The following LRRC7 variants were observed in gnomAD, a reference collection of about 807,000 sequenced individuals.
LRRC7 encodes the protein leucine rich repeat containing 7, also known as leucine-rich repeat-containing protein 7.
In LRRC7, 23 loss-of-function variants were observed where a neutral mutation model predicts 175.7. The ratio of observed to expected loss-of-function variants is 0.13; its 90% CI spans 0.09 to 0.19. The LOEUF (loss-of-function observed/expected upper bound fraction) is 0.19, where lower values mean the gene tolerates loss of function less well. Among genes scored for constraint, LRRC7 ranks in the 10% least tolerant of loss-of-function variants. The probability of loss-of-function intolerance (pLI) is 1.00; values close to 1 mark genes in which losing one functional copy is unlikely to be tolerated. For missense variants in LRRC7, 1,354 were observed against 1,904.7 expected (o/e 0.71, Z 5.38); for synonymous variants, 685 against 680.9 (o/e 1.01, Z -0.09).
intron 7 of LRRC7, among the ~76,000 whole-genome samples, chr1:69,894,274 C>T (rs6662513): frequency 0.56 from 84,372 of 151,918 alleles, 23,491 homozygotes; most frequent in East Asian, 0.7. Flanking sequence ...CACAAAGAAG[C>T]AACTTGCCCA....
chr1:70,130,197 G>A lies in LRRC7; in HGVS notation c.*8310G>A, dbSNP rs1666610469. 6.6e-6 allele frequency: 1 copy of A among 152,144 alleles called. No homozygotes were observed. The highest frequency in any genetic ancestry group is 1.5e-5 in the Non-Finnish European group (1 of 68,016). 9.4% of individuals were successfully genotyped at this position (152,144 alleles called of 1,614,324 possible). On this transcript the variant is annotated 3_prime_UTR_variant, in exon 27 of 27. Transcript: ENST00000651989. ...TTTTCCTATGAACTTTAAGCTTTTT[G>A]AGAGAGAGGATCAGACAATACTTAA...
At chr1:69,794,302 A>ATT (rs947228267) in intron 4 of LRRC7, among the ~76,000 whole-genome samples, 5 of 152,166 alleles carry the variant, frequency 3.3e-5, no homozygotes, top group African/African-American at 1.2e-4. Context: ...TAAAGAGAGT[A>ATT]TTTCATCTGA....
intron 4 of LRRC7, among the ~76,000 whole-genome samples, chr1:69,797,047 C>CAAT (rs1384159415): frequency 1.3e-5 from 2 of 152,098 alleles, no homozygotes; most frequent in Non-Finnish European, 2.9e-5. Context: ...ACTACTAGCA[C>CAAT]AATACCCAGT....
chr1:69,889,148 T>C (rs540546942), intron 7 of LRRC7, among the ~76,000 whole-genome samples: 5 of 152,240 alleles, frequency 3.3e-5, no homozygotes, highest in Non-Finnish European at 7.3e-5. Context: ...AATATTTTTG[T>C]TGATAGAGGG....
intron 8 of LRRC7, among the ~76,000 whole-genome samples, chr1:69,975,035 T>C (rs1248474442): frequency 6.6e-6 from 1 of 152,224 alleles, no homozygotes; most frequent in East Asian, 1.9e-4. Context: ...CACCTTATTA[T>C]GTTCTTAAAT....
intron 8 of LRRC7, among the ~76,000 whole-genome samples, chr1:69,970,440 G>C (rs186843642): frequency 7.0e-4 from 107 of 152,032 alleles, no homozygotes; most frequent in Non-Finnish European, 1.2e-3. Context: ...GAAATGAAAC[G>C]AGAGATATTA....
chr1:70,121,090 A>G lies in LRRC7; in HGVS notation c.4621-690A>G, dbSNP rs182766015. ...AACTGTAACCTTAGGCTATGTTTAA[A>G]CTGAATATCAATTGCTTATATCAAT... On this transcript the variant is annotated intron_variant, in intron 26 of 26. Transcript: ENST00000651989. 4.3e-4 allele frequency among the ~76,000 whole-genome samples: 66 copies of G among 152,128 alleles called. No individual in the cohort carries two copies. The East Asian group carries it at 9.6e-3, about 22-fold the overall frequency.
At position 70,039,644 on chromosome 1, in the gene LRRC7, A is replaced by G. The variant is rs1659687912; in HGVS notation, c.3820A>G (p.Asn1274Asp). 6 of 1,613,990 alleles carry G rather than the reference A, an allele frequency of 3.7e-6. No individual in the cohort carries two copies. Among genetic ancestry groups the G allele is most frequent in the Admixed American group, 3.3e-5 (2 of 60,006 alleles). ...ALLEKIPSDY[N>D]LGNYGDKPSD... is the part of the protein sequence containing the mutation. ...TTTGGAAAAAATACCATCTGACTAT[A>G]ACTTGGGTAACTATGGTGACAAGCC... is the stretch of plus-strand genomic sequence containing the variant. Residue 1274 changes from asparagine to aspartate, a missense_variant, in exon 21 of 27, where the codon AAC becomes GAC. Physicochemically the swap from Asn to Asp is conservative, Grantham distance 23. Transcript: ENST00000651989.
At chr1:70,040,911 G>T (rs540261655) in intron 21 of LRRC7, among the ~76,000 whole-genome samples, 23 of 152,250 alleles carry the variant, frequency 1.5e-4, no homozygotes, top group African/African-American at 5.5e-4. Context: ...ATTACATTTT[G>T]TTGCCTGTTT....
At position 70,142,400 on chromosome 1, in the gene LRRC7, T is replaced by TTTCA. The variant is rs929722417; in HGVS notation, c.*20515_*20518dup. ...TTCTCTTTAACATCCTCAAATACAC[T>TTTCA]TTCATCCTTGAAAACACAAGCCTAT... is the stretch of plus-strand genomic sequence containing the variant. On this transcript the variant is annotated 3_prime_UTR_variant, in exon 27 of 27. Coordinates refer to ENST00000651989, the MANE Select transcript of LRRC7 (RefSeq NM_001370785.2). 6.6e-6 allele frequency: 1 copy of TTTCA among 152,122 alleles called. No homozygotes were observed. Among genetic ancestry groups the TTTCA allele is most frequent in the African/African-American group, 2.4e-5 (1 of 41,442 alleles). The allele number at this position is 152,122 out of a possible 1,614,324, so 9.4% of individuals were successfully genotyped here. A position where few individuals can be genotyped will look rare whatever the true frequency, so the allele number is the denominator to read the frequency against.
Position 69,707,340 on chromosome 1 carries a change from C to A in LRRC7, c.100+28862C>A, listed in dbSNP as rs78199476. 2.0e-4 allele frequency among the ~76,000 whole-genome samples: 31 copies of A among 152,242 alleles called. No individual in the cohort carries two copies. In the East Asian group the frequency reaches 5.6e-3, roughly 28 times the overall value. On this transcript the variant is annotated intron_variant, in intron 2 of 26. Coordinates refer to ENST00000651989, the MANE Select transcript of LRRC7 (RefSeq NM_001370785.2). ...TGGGAGTAGAAGAATAAATAGCCAA[C>A]CCTCTTCATCCCTCTGCTGAGTCAC...
At chr1:69,826,967 T>C (rs1057154411) in intron 5 of LRRC7, among the ~76,000 whole-genome samples, 16 of 152,066 alleles carry the variant, frequency 1.1e-4, no homozygotes, top group Non-Finnish European at 2.2e-4. Context: ...GAGATCTTTA[T>C]AGTGAATGGT....
chr1:70,140,972 AGC>A lies in LRRC7; in HGVS notation c.*19086_*19087del, dbSNP rs1344847558. 6.6e-6 allele frequency among the ~76,000 whole-genome samples: 1 copy of A among 152,126 alleles called. No homozygotes were observed. Among genetic ancestry groups the A allele is most frequent in the African/African-American group, 2.4e-5 (1 of 41,448 alleles). On this transcript the variant is annotated 3_prime_UTR_variant, in exon 27 of 27. Transcript: ENST00000651989. ...TTTCCTCAGTTCGCAACTGAGGTGT[AGC>A]CCAGGGAATAAGTATGTCCTGAATT... is the stretch of plus-strand genomic sequence containing the variant.
At chr1:69,971,767 A>G (rs1366869246) in intron 8 of LRRC7, among the ~76,000 whole-genome samples, 1 of 152,154 alleles carries the variant, frequency 6.6e-6, no homozygotes. Flanking sequence ...ATTAGAAAAA[A>G]CAATCCTAAA....
At chr1:69,687,552 G>GAAAAGAAAAA (rs1416227318) in intron 2 of LRRC7, among the ~76,000 whole-genome samples, 5 of 130,668 alleles carry the variant, frequency 3.8e-5, no homozygotes, top group African/African-American at 5.6e-5. Flanking sequence ...AAAAGAAAAA[G>GAAAAGAAAAA]AAAAGAAAAA....
At chr1:70,093,726 G>C (rs1664192358) in intron 25 of LRRC7, among the ~76,000 whole-genome samples, 1 of 152,084 alleles carries the variant, frequency 6.6e-6, no homozygotes, top group African/African-American at 2.4e-5. Context: ...AGATTGCTAA[G>C]CAATTATATA....
chr1:70,095,534 A>C (rs1157952017), intron 25 of LRRC7, among the ~76,000 whole-genome samples: 1 of 152,232 alleles, frequency 6.6e-6, no homozygotes, highest in Non-Finnish European at 1.5e-5. Flanking sequence ...ACTCTCCTAC[A>C]AATAGTATTC....
rs147225721 is a variant in LRRC7, at chr1:69,983,256, C to T, written c.786+2803C>T. ...CTAGCAAATATTCAGTCACTCGAAG[C>T]CTGTGCTCACACTCTGCACCCACAT... On this transcript the variant is annotated intron_variant, in intron 9 of 26. Coordinates refer to ENST00000651989, the MANE Select transcript of LRRC7 (RefSeq NM_001370785.2). Among the ~76,000 whole-genome samples, 44 of 152,294 alleles carry T rather than the reference C, an allele frequency of 2.9e-4. 1 individual carries two copies. The East Asian group carries it at 8.3e-3, about 29-fold the overall frequency.
intron 3 of LRRC7, among the ~76,000 whole-genome samples, chr1:69,788,475 C>A (rs1333973223): frequency 2.0e-5 from 3 of 152,156 alleles, no homozygotes; most frequent in African/African-American, 7.2e-5. Context: ...AATCATAGCA[C>A]ATAATAGATA....
Sources: allele counts gnomAD v4.1 joint callset (sites outside exome capture counted in the v4.1 genomes callset), GRCh38; gene constraint gnomAD v4.1.1; transcripts MANE v1.5; gene names NCBI Gene and HGNC (gene_info 2026-07-23, HGNC 2026-07-21).